The following CNTNAP5 variants were observed in gnomAD, a reference collection of about 807,000 sequenced individuals.
The protein encoded by CNTNAP5 is contactin-associated protein-like 5.
A neutral mutation model predicts 150.2 loss-of-function variants in CNTNAP5; 72 were observed. That is an observed-to-expected ratio of 0.48 (90% CI 0.40 to 0.58). The LOEUF (loss-of-function observed/expected upper bound fraction) is 0.58. Ranked by LOEUF, CNTNAP5 falls within the 20% of genes least tolerant of loss-of-function variation. The pLI is 0.00. For missense variants in CNTNAP5, 1,636 were observed against 1,626.2 expected (o/e 1.01, Z -0.10); for synonymous variants, 672 against 619.8 (o/e 1.08, Z -1.25).
At chr2:124,823,995 T>A (rs1682542126) in intron 19 of CNTNAP5, among the ~76,000 whole-genome samples, 1 of 151,490 alleles carries the variant, frequency 6.6e-6, no homozygotes. Context: ...CTCGGCTCAC[T>A]TCAGCCTCTG....
intron 13 of CNTNAP5, among the ~76,000 whole-genome samples, chr2:124,720,992 C>T (rs1291913809): frequency 6.6e-6 from 1 of 152,070 alleles, no homozygotes; most frequent in African/African-American, 2.4e-5. Flanking sequence ...TTGGCACATT[C>T]CTCTGCTTCT....
chr2:124,557,507 T>G (rs1695785774), intron 10 of CNTNAP5, among the ~76,000 whole-genome samples: 1 of 152,150 alleles, frequency 6.6e-6, no homozygotes, highest in Non-Finnish European at 1.5e-5. Flanking sequence ...ATTCATTCAC[T>G]CAATCTACAA....
chr2:124,546,227 T>A (rs1287404687), intron 10 of CNTNAP5, among the ~76,000 whole-genome samples: 1 of 152,206 alleles, frequency 6.6e-6, no homozygotes, highest in Non-Finnish European at 1.5e-5. Context: ...TCTAAATTTT[T>A]TCCTGCACAG....
At chr2:124,749,709 C>A (rs1004816005) in intron 14 of CNTNAP5, among the ~76,000 whole-genome samples, 1 of 152,148 alleles carries the variant, frequency 6.6e-6, no homozygotes, top group African/African-American at 2.4e-5. Context: ...CCAACGCTCC[C>A]GGCAGACTCT....
rs577792992 is a variant in CNTNAP5, at chr2:124,730,959, C to A, written c.2078-16270C>A. On this transcript the variant is annotated intron_variant, in intron 13 of 23. Coordinates refer to ENST00000682447, the MANE Select transcript of CNTNAP5 (RefSeq NM_001367498.1). ...TATGCTGATGATCCTCTGGCCACTT[C>A]TTTCTAGTCTGTGTAATTGCAAAGT... Among the ~76,000 whole-genome samples the A allele has an allele frequency of 1.4e-4, 22 of 152,206 alleles. No homozygotes were observed. In the East Asian group the frequency reaches 3.7e-3, roughly 25 times the overall value.
At chr2:124,546,458 G>A (rs12711680) in intron 10 of CNTNAP5, among the ~76,000 whole-genome samples, 3 of 151,710 alleles carry the variant, frequency 2.0e-5, no homozygotes, top group Non-Finnish European at 2.9e-5. Flanking sequence ...GTTTACAAAC[G>A]TATATGACTA....
intron 3 of CNTNAP5, among the ~76,000 whole-genome samples, chr2:124,345,425 CATT>C (rs1218311238): frequency 1.3e-5 from 2 of 152,100 alleles, no homozygotes; most frequent in African/African-American, 4.8e-5. Context: ...ACAGCAAGCT[CATT>C]ATCAGTTGTG....
At chr2:124,414,150 G>A (rs1032691319) in intron 3 of CNTNAP5, among the ~76,000 whole-genome samples, 1 of 118,130 alleles carries the variant, frequency 8.5e-6, no homozygotes, top group Admixed American at 8.9e-5. Context: ...TGAGTAGTTT[G>A]TTGTCATTCT....
chr2:124,903,186 C>A, intron 22 of CNTNAP5, 86 bp downstream of exon 22: 1 of 799,884 alleles, frequency 1.3e-6, no homozygotes, highest in Non-Finnish European at 1.8e-6. Flanking sequence ...AAAGAGTTGG[C>A]TAATGTGACT....
At chr2:124,735,264 T>A (rs1433230958) in intron 13 of CNTNAP5, among the ~76,000 whole-genome samples, 2 of 152,198 alleles carry the variant, frequency 1.3e-5, no homozygotes, top group Non-Finnish European at 2.9e-5. Flanking sequence ...GGCTATACTT[T>A]GAGAGATGCT....
chr2:124,394,607 G>C (rs1244568481), intron 3 of CNTNAP5, among the ~76,000 whole-genome samples: 1 of 152,128 alleles, frequency 6.6e-6, no homozygotes, highest in Non-Finnish European at 1.5e-5. Flanking sequence ...ATGAGGATTT[G>C]CTATATTCAG....
rs142870086 is a variant in CNTNAP5, at chr2:124,300,508, C to G, written c.381+58115C>G. ...TCTAGGCATGGAGCAGAGAATAGAG[C>G]AGGCTGGGAGGAAGAAGAGCGTAAG... is the stretch of plus-strand genomic sequence containing the variant. On this transcript the variant is annotated intron_variant, in intron 3 of 23. Transcript: ENST00000682447. Among the ~76,000 whole-genome samples the G allele has an allele frequency of 1.4e-3, 215 of 151,974 alleles. 2 individuals carry two copies. The highest frequency in any genetic ancestry group is 4.9e-3 in the African/African-American group (204 of 41,430).
At chr2:124,724,135 C>T (rs1680105033) in intron 13 of CNTNAP5, among the ~76,000 whole-genome samples, 1 of 144,402 alleles carries the variant, frequency 6.9e-6, no homozygotes, top group African/African-American at 2.7e-5. Flanking sequence ...CAGAGGGAGA[C>T]TCCATCTCAA....
intron 3 of CNTNAP5, among the ~76,000 whole-genome samples, chr2:124,413,647 C>T (rs1442852657): frequency 8.8e-5 from 7 of 79,378 alleles, no homozygotes; most frequent in South Asian, 5.1e-4. Context: ...AACCAAACAC[C>T]GCATATTCTC....
chr2:124,142,123 C>G (rs866677465), intron 1 of CNTNAP5, among the ~76,000 whole-genome samples: 1 of 139,732 alleles, frequency 7.2e-6, no homozygotes, highest in Non-Finnish European at 1.5e-5. Flanking sequence ...AATACAGGAG[C>G]ACCCAGATTC....
intron 1 of CNTNAP5, among the ~76,000 whole-genome samples, chr2:124,078,724 A>G (rs1333962837): frequency 6.6e-6 from 1 of 152,202 alleles, no homozygotes; most frequent in Non-Finnish European, 1.5e-5. Flanking sequence ...TGCTATTCTG[A>G]TAGCAAACAT....
chr2:124,646,491 T>C (rs1432458913), intron 12 of CNTNAP5, among the ~76,000 whole-genome samples: 1 of 152,218 alleles, frequency 6.6e-6, no homozygotes, highest in Non-Finnish European at 1.5e-5. Flanking sequence ...CTATGCTAGA[T>C]TCCTTTTCAG....
intron 17 of CNTNAP5, among the ~76,000 whole-genome samples, chr2:124,774,249 T>C (rs1257286771): frequency 6.6e-6 from 1 of 152,150 alleles, no homozygotes; most frequent in Non-Finnish European, 1.5e-5. Context: ...TACATAGCTT[T>C]ACTGCTAGTG....
At chr2:124,379,336 C>T (rs1487728191) in intron 3 of CNTNAP5, among the ~76,000 whole-genome samples, 1 of 152,016 alleles carries the variant, frequency 6.6e-6, no homozygotes, top group East Asian at 1.9e-4. Flanking sequence ...GGCTATTCAT[C>T]TCTCCCTCCC....
Sources: allele counts gnomAD v4.1 joint callset (sites outside exome capture counted in the v4.1 genomes callset), GRCh38; gene constraint gnomAD v4.1.1; transcripts MANE v1.5; gene names NCBI Gene and HGNC (gene_info 2026-07-23, HGNC 2026-07-21).